ZDHHC14: variants seen among roughly 807,000 people sequenced by gnomAD.
ZDHHC14 encodes zDHHC palmitoyltransferase 14, also known as palmitoyltransferase ZDHHC14.
Under a neutral mutation model 47.7 loss-of-function variants are expected in ZDHHC14, and 16 were observed. The observed-to-expected ratio is 0.34, with a 90% CI of 0.23 to 0.51. The LOEUF is 0.51. ZDHHC14 is among the 20% of genes least tolerant of loss of function. The pLI, the probability that ZDHHC14 is intolerant of heterozygous loss-of-function variation, is 0.97. For missense variants in ZDHHC14, 515 were observed against 662.5 expected, an observed-to-expected ratio of 0.78 and a Z score of 2.44; for synonymous variants, 293 against 278.9, an observed-to-expected ratio of 1.05 and a Z score of -0.50.
chr6:157,672,353 T>G (rs1263554393), intron 8 of ZDHHC14, among the ~76,000 whole-genome samples: 1 of 152,228 alleles, frequency 6.6e-6, no homozygotes, highest in African/African-American at 2.4e-5. Context: ...AAAAATGGTT[T>G]TCAGCATACA....
At chr6:157,646,639 A>G (rs1294809042) in intron 6 of ZDHHC14, among the ~76,000 whole-genome samples, 1 of 152,004 alleles carries the variant, frequency 6.6e-6, no homozygotes, top group African/African-American at 2.4e-5. Context: ...AAGAGGAAAC[A>G]AAATGTTAGA....
At chr6:157,516,531 C>T (rs978128540) in intron 1 of ZDHHC14, among the ~76,000 whole-genome samples, 4 of 152,126 alleles carry the variant, frequency 2.6e-5, no homozygotes, top group African/African-American at 4.8e-5. Context: ...GTCTCCTGCA[C>T]GTAGTTGAGT....
intron 3 of ZDHHC14, among the ~76,000 whole-genome samples, chr6:157,595,999 T>C (rs1018323606): frequency 4.6e-5 from 7 of 152,210 alleles, no homozygotes; most frequent in Admixed American, 1.3e-4. Context: ...CCGCGGCCTC[T>C]GAGTGGTGCT....
intron 1 of ZDHHC14, among the ~76,000 whole-genome samples, chr6:157,504,285 G>T (rs1780260849): frequency 6.6e-6 from 1 of 151,514 alleles, no homozygotes; most frequent in Admixed American, 6.6e-5. Context: ...TCAGCTCACT[G>T]CAAGCTCCGC....
intron 3 of ZDHHC14, among the ~76,000 whole-genome samples, chr6:157,627,443 T>C (rs1785483277): frequency 6.6e-6 from 1 of 152,166 alleles, no homozygotes; most frequent in South Asian, 2.1e-4. Context: ...GTGTTCTCAA[T>C]AGAAGATCAG....
chr6:157,416,633 AC>A (rs34603718), intron 1 of ZDHHC14, among the ~76,000 whole-genome samples: 100,224 of 142,682 alleles, frequency 0.7, 36,711 homozygotes, highest in Middle Eastern at 0.89. Context: ...GTGCCACTGC[AC>A]TCCAGCCTGG....
chr6:157,646,126 G>C, intron 6 of ZDHHC14: 1 of 290,094 alleles, frequency 3.4e-6, no homozygotes, highest in Non-Finnish European at 6.4e-6. Context: ...GTATTCCTTT[G>C]AAATGGTTTC....
At chr6:157,552,348 G>A (rs1782268330) in intron 2 of ZDHHC14, among the ~76,000 whole-genome samples, 1 of 152,070 alleles carries the variant, frequency 6.6e-6, no homozygotes, top group Non-Finnish European at 1.5e-5. Context: ...GGCAGGGCAG[G>A]CGGCACATTG....
rs760911401 is a variant in ZDHHC14, at chr6:157,542,743, T to C, written c.404T>C (p.Ile135Thr). 6.2e-7 allele frequency: 1 copy of C among 1,613,822 alleles called. No homozygotes were observed. Among genetic ancestry groups the C allele is most frequent in the Non-Finnish European group, 8.5e-7 (1 of 1,179,886 alleles). ...GAAGCCGCCGATCTGGAAAGGCAAA[T>C]AGGTAACACTGAAAGTCTGCCCATG... ...PDEAADLERQ[I>T]DIANGTSSGG... The change falls in exon 2 of 9, where the codon ATA becomes ACA. Residue 135 changes from isoleucine to threonine, a missense_variant and splice_region_variant. Transcript: ENST00000359775.
chr6:157,459,869 G>C (rs985329615), intron 1 of ZDHHC14, among the ~76,000 whole-genome samples: 1 of 152,044 alleles, frequency 6.6e-6, no homozygotes, highest in African/African-American at 2.4e-5. Context: ...GAGGCCAGGA[G>C]TTTGAGACCA....
intron 1 of ZDHHC14, among the ~76,000 whole-genome samples, chr6:157,453,383 C>T (rs1185777105): frequency 6.6e-6 from 1 of 152,204 alleles, no homozygotes; most frequent in East Asian, 1.9e-4. Context: ...TTTAAATTCC[C>T]ATGAACTGTT....
chr6:157,635,336 A>G (rs1453466337), intron 5 of ZDHHC14, among the ~76,000 whole-genome samples: 1 of 152,164 alleles, frequency 6.6e-6, no homozygotes, highest in Non-Finnish European at 1.5e-5. Context: ...CTCCCAAGTC[A>G]TGCATCTTAT....
chr6:157,416,552 C>T (rs984579599), intron 1 of ZDHHC14, among the ~76,000 whole-genome samples: 11 of 151,466 alleles, frequency 7.3e-5, no homozygotes, highest in Admixed American at 1.3e-4. Context: ...ACCTGTGGTC[C>T]CAGCTGCTCC....
At chr6:157,484,265 A>ATATGTATATATACGTATATATATATGTG (rs1341948070) in intron 1 of ZDHHC14, among the ~76,000 whole-genome samples, 3 of 141,872 alleles carry the variant, frequency 2.1e-5, no homozygotes, top group Non-Finnish European at 4.6e-5. Flanking sequence ...ATTTATATAT[A>ATATGTATATATACGTATATATATATGTG]TATGTATATA....
At chr6:157,584,284 G>A (rs1012445296) in intron 2 of ZDHHC14, among the ~76,000 whole-genome samples, 10 of 152,006 alleles carry the variant, frequency 6.6e-5, no homozygotes, top group Non-Finnish European at 1.2e-4. Flanking sequence ...GGGAAGAGAC[G>A]GGACTCCTCT....
At chr6:157,488,831 C>T (rs1049405968) in intron 1 of ZDHHC14, among the ~76,000 whole-genome samples, 8 of 152,162 alleles carry the variant, frequency 5.3e-5, no homozygotes, top group African/African-American at 1.9e-4. Context: ...GGGCACCCCG[C>T]CCCCCTTCCC....
At chr6:157,467,857 A>G (rs970875973) in intron 1 of ZDHHC14, among the ~76,000 whole-genome samples, 4 of 152,042 alleles carry the variant, frequency 2.6e-5, no homozygotes, top group Admixed American at 1.3e-4. Flanking sequence ...ATGGCGGTAT[A>G]ATATTCTGTT....
intron 1 of ZDHHC14, among the ~76,000 whole-genome samples, chr6:157,462,535 A>G (rs568118287): frequency 2.2e-4 from 33 of 152,366 alleles, no homozygotes; most frequent in African/African-American, 7.7e-4. Context: ...GCTTCTGCTG[A>G]CAAATGAAGA....
At chr6:157,437,826 A>G (rs1482323284) in intron 1 of ZDHHC14, among the ~76,000 whole-genome samples, 1 of 152,206 alleles carries the variant, frequency 6.6e-6, no homozygotes, top group Non-Finnish European at 1.5e-5. Flanking sequence ...AGGTGATTAT[A>G]TAGGTCAGAT....
Sources: allele counts gnomAD v4.1 joint callset (sites outside exome capture counted in the v4.1 genomes callset), GRCh38; gene constraint gnomAD v4.1.1; transcripts MANE v1.5; gene names NCBI Gene and HGNC (gene_info 2026-07-23, HGNC 2026-07-21).